The following UBE2E2 variants were observed in gnomAD, a reference collection of about 807,000 sequenced individuals.
UBE2E2 encodes ubiquitin conjugating enzyme E2 E2.
In UBE2E2, 6 loss-of-function variants were observed where a neutral mutation model predicts 24.7. The ratio of observed to expected loss-of-function variants is 0.24; its 90% confidence interval spans 0.13 to 0.48. UBE2E2 has a LOEUF of 0.48. Ranked by LOEUF, UBE2E2 falls within the 20% of genes least tolerant of loss-of-function variation. The probability of loss-of-function intolerance (pLI) is 0.99; values close to 1 mark genes in which losing one functional copy is unlikely to be tolerated. For missense variants in UBE2E2, 169 were observed against 245.0 expected (o/e 0.69, Z 2.07); for synonymous variants, 104 against 83.6 (o/e 1.24, Z -1.33).
At chr3:23,413,013 A>G (rs1697529219) in intron 3 of UBE2E2, among the ~76,000 whole-genome samples, 1 of 137,188 alleles carries the variant, frequency 7.3e-6, no homozygotes, top group Non-Finnish European at 1.5e-5. Flanking sequence ...TGAAAGACAC[A>G]GGAAGGGGAA....
chr3:23,280,781 C>A lies in UBE2E2; in HGVS notation c.227+63469C>A, dbSNP rs1698475129. On this transcript the variant is annotated intron_variant, in intron 3 of 5. Transcript: ENST00000396703. The surrounding 1 kb of genome is among the most constrained non-coding windows in gnomAD (Gnocchi z 4.3). ...CTCACTTCTGTTTTTACTGATTCTG[C>A]TTTTTTCCATGAATGTTGCCTTCTC... Among the ~76,000 whole-genome samples the A allele has an allele frequency of 6.6e-6, 1 of 152,172 alleles. No individual in the cohort carries two copies. The highest frequency in any genetic ancestry group is 1.5e-5 in the Non-Finnish European group (1 of 68,028).
intron 3 of UBE2E2, among the ~76,000 whole-genome samples, chr3:23,308,041 C>G (rs548430999): frequency 1.4e-3 from 214 of 152,222 alleles, no homozygotes; most frequent in African/African-American, 4.9e-3. Flanking sequence ...TTTACCAACT[C>G]CCCCCCAAAT....
intron 3 of UBE2E2, among the ~76,000 whole-genome samples, chr3:23,453,976 A>G (rs974539413): frequency 2.0e-5 from 3 of 152,196 alleles, no homozygotes; most frequent in Non-Finnish European, 2.9e-5. Context: ...ATAGTTTTCT[A>G]TACTCTTTAA....
intron 3 of UBE2E2, among the ~76,000 whole-genome samples, chr3:23,220,967 C>T (rs1425696922): frequency 2.6e-5 from 4 of 152,174 alleles, no homozygotes; most frequent in South Asian, 2.1e-4. Context: ...AAATTAAAAT[C>T]GTCATCATCC....
At chr3:23,505,752 C>G (rs1053517638) in intron 4 of UBE2E2, among the ~76,000 whole-genome samples, 2 of 152,138 alleles carry the variant, frequency 1.3e-5, no homozygotes, top group Non-Finnish European at 1.5e-5. Context: ...TTTATAAAGT[C>G]TAACTATGGG....
At chr3:23,306,558 G>A (rs1249899448) in intron 3 of UBE2E2, among the ~76,000 whole-genome samples, 2 of 152,150 alleles carry the variant, frequency 1.3e-5, no homozygotes, top group African/African-American at 4.8e-5. Context: ...AAACAAAGAG[G>A]TAAATAAATA....
At chr3:23,476,660 C>T (rs1449348189) in intron 3 of UBE2E2, among the ~76,000 whole-genome samples, 1 of 152,016 alleles carries the variant, frequency 6.6e-6, no homozygotes, top group Non-Finnish European at 1.5e-5. Flanking sequence ...TACACTCCAG[C>T]CTGGACAACA....
chr3:23,433,120 A>G (rs778502), intron 3 of UBE2E2, among the ~76,000 whole-genome samples: 27,181 of 151,830 alleles, frequency 0.18, 2,421 homozygotes, highest in East Asian at 0.23. Context: ...TTGTTTATTC[A>G]TACAGAAAAT....
At chr3:23,219,953 T>G (rs1696580167) in intron 3 of UBE2E2, among the ~76,000 whole-genome samples, 1 of 152,152 alleles carries the variant, frequency 6.6e-6, no homozygotes, top group Non-Finnish European at 1.5e-5. Context: ...TACTGTGTGT[T>G]TGTCAGGTTA....
chr3:23,251,032 G>C (rs925169356), intron 3 of UBE2E2, among the ~76,000 whole-genome samples: 1 of 152,096 alleles, frequency 6.6e-6, no homozygotes, highest in Non-Finnish European at 1.5e-5. Flanking sequence ...ATTAAAAAAA[G>C]ATTATTTGTA....
intron 3 of UBE2E2, among the ~76,000 whole-genome samples, chr3:23,420,200 T>C (rs1697762300): frequency 6.6e-6 from 1 of 152,204 alleles, no homozygotes; most frequent in South Asian, 2.1e-4. Flanking sequence ...CTATGTCTAT[T>C]CATACTTGTA....
intron 3 of UBE2E2, among the ~76,000 whole-genome samples, chr3:23,225,807 G>A (rs1696803496): frequency 1.3e-5 from 2 of 152,120 alleles, no homozygotes; most frequent in South Asian, 2.1e-4. Flanking sequence ...AAGAGGCTGT[G>A]ACTGGACATA....
intron 3 of UBE2E2, among the ~76,000 whole-genome samples, chr3:23,408,250 A>T (rs1309705775): frequency 6.6e-6 from 1 of 152,210 alleles, no homozygotes; most frequent in East Asian, 1.9e-4. Context: ...TTAGTCTCTT[A>T]CAGTGTCTGT....
chr3:23,478,658 T>C (rs535978361), intron 3 of UBE2E2, among the ~76,000 whole-genome samples: 1 of 152,288 alleles, frequency 6.6e-6, no homozygotes, highest in South Asian at 2.1e-4. Context: ...TCAAATCTAG[T>C]CTTTACTAAA....
chr3:23,257,287 A>C (rs999284447), intron 3 of UBE2E2, among the ~76,000 whole-genome samples: 1 of 152,074 alleles, frequency 6.6e-6, no homozygotes, highest in African/African-American at 2.4e-5. Context: ...ATCTTTCTCT[A>C]TCCAGCTCTT....
At chr3:23,261,174 A>T (rs1697892807) in intron 3 of UBE2E2, among the ~76,000 whole-genome samples, 1 of 146,384 alleles carries the variant, frequency 6.8e-6, no homozygotes, top group Admixed American at 6.8e-5. Context: ...CTGTGGTAGA[A>T]TTTTTTTTTT....
chr3:23,420,491 G>A (rs1018548854), intron 3 of UBE2E2, among the ~76,000 whole-genome samples: 1 of 152,162 alleles, frequency 6.6e-6, no homozygotes, highest in Non-Finnish European at 1.5e-5. Context: ...TAGAAATGAA[G>A]CTTAAAGCAG....
At chr3:23,353,241 T>C (rs1188230962) in intron 3 of UBE2E2, among the ~76,000 whole-genome samples, 1 of 152,056 alleles carries the variant, frequency 6.6e-6, no homozygotes, top group East Asian at 1.9e-4. Context: ...TATCTCCAAA[T>C]AATAAGAGCT....
chr3:23,376,418 G>A (rs1011353221), intron 3 of UBE2E2, among the ~76,000 whole-genome samples: 5 of 152,166 alleles, frequency 3.3e-5, no homozygotes, highest in African/African-American at 7.2e-5. Context: ...GGAGAATAAC[G>A]TGAACAGATC....
Sources: gnomAD v4.1 joint callset for allele counts (sites outside exome capture counted in the v4.1 genomes callset) on GRCh38, gnomAD v4.1.1 for gene constraint, Gnocchi (gnomAD v3.1) non-coding constraint, MANE v1.5 for transcripts, NCBI Gene and HGNC (gene_info 2026-07-23, HGNC 2026-07-21) for gene names.